ZBTB7C: variants seen among roughly 807,000 people sequenced by gnomAD.
ZBTB7C encodes the protein zinc finger and BTB domain-containing protein 7C.
ZBTB7C carries 8 observed loss-of-function variants against 25.7 expected under a neutral mutation model. The ratio of observed to expected loss-of-function variants is 0.31; its 90% CI spans 0.18 to 0.56. The LOEUF is 0.56. ZBTB7C is among the 20% of genes least tolerant of loss of function. The pLI is 0.91. For missense variants in ZBTB7C, 824 were observed against 855.2 expected, an observed-to-expected ratio of 0.96 and a Z score of 0.46; for synonymous variants, 394 against 369.0, an observed-to-expected ratio of 1.07 and a Z score of -0.78.
At chr18:48,326,061 A>G (rs956724361) in intron 2 of ZBTB7C, among the ~76,000 whole-genome samples, 2 of 149,300 alleles carry the variant, frequency 1.3e-5, no homozygotes, top group Non-Finnish European at 3.0e-5. Flanking sequence ...TTGTTCACTT[A>G]TCTGTTTATA....
At chr18:48,222,247 C>G (rs2042981782) in intron 2 of ZBTB7C, among the ~76,000 whole-genome samples, 1 of 152,156 alleles carries the variant, frequency 6.6e-6, no homozygotes, top group Admixed American at 6.5e-5. Context: ...TCTAGGAAAG[C>G]ATCCTGTGAA....
chr18:48,275,118 G>T (rs1206502475), intron 2 of ZBTB7C, among the ~76,000 whole-genome samples: 1 of 152,200 alleles, frequency 6.6e-6, no homozygotes, highest in African/African-American at 2.4e-5. Context: ...TAAAAGAAAG[G>T]TCTGATCACT....
intron 3 of ZBTB7C, among the ~76,000 whole-genome samples, chr18:48,136,040 G>A (rs1027631898): frequency 1.3e-5 from 2 of 152,230 alleles, no homozygotes; most frequent in Non-Finnish European, 2.9e-5. Context: ...CACAGAGCAC[G>A]GCGTGGGGGA....
intron 1 of ZBTB7C, among the ~76,000 whole-genome samples, chr18:48,381,318 A>G (rs1306379284): frequency 6.6e-6 from 1 of 152,252 alleles, no homozygotes; most frequent in Non-Finnish European, 1.5e-5. Context: ...AGGCACAGGT[A>G]TCAATCAGTC....
At chr18:48,177,815 C>T (rs1391151450) in intron 3 of ZBTB7C, among the ~76,000 whole-genome samples, 2 of 152,144 alleles carry the variant, frequency 1.3e-5, no homozygotes, top group Non-Finnish European at 2.9e-5. Flanking sequence ...TTGCCTCTGG[C>T]CTCCTGTCAG....
At chr18:48,089,927 C>T (rs2144544010) in intron 3 of ZBTB7C, among the ~76,000 whole-genome samples, 2 of 152,346 alleles carry the variant, frequency 1.3e-5, no homozygotes, top group South Asian at 4.1e-4. Context: ...ACTGGCCCTT[C>T]ATAGCGTTCC....
At chr18:48,259,781 A>C (rs1359327491) in intron 2 of ZBTB7C, among the ~76,000 whole-genome samples, 1 of 152,246 alleles carries the variant, frequency 6.6e-6, no homozygotes, top group African/African-American at 2.4e-5. Flanking sequence ...CATTAGTTAT[A>C]AGGGACATGA....
At chr18:48,195,073 C>T (rs1477041067) in intron 2 of ZBTB7C, among the ~76,000 whole-genome samples, 2 of 152,150 alleles carry the variant, frequency 1.3e-5, no homozygotes, top group African/African-American at 4.8e-5. Flanking sequence ...AAAGCCCTGG[C>T]AAATATACTA....
At position 48,145,779 on chromosome 18, in the gene ZBTB7C, C is replaced by T. The variant is rs142630675; in HGVS notation, c.-17+40155G>A. Among the ~76,000 whole-genome samples the T allele has an allele frequency of 6.6e-5, 10 of 152,208 alleles. No homozygotes were observed. The East Asian group carries it at 9.6e-4, about 15-fold the overall frequency. ...TTATGTGTGCATGTATGTATGTATA[C>T]GTGATATTTTTCTACCTCTGGATAG... is the stretch of plus-strand genomic sequence containing the variant. On this transcript the variant is annotated intron_variant, in intron 3 of 4. Transcript: ENST00000590800.
At chr18:48,219,483 G>A (rs2042901497) in intron 2 of ZBTB7C, among the ~76,000 whole-genome samples, 1 of 152,166 alleles carries the variant, frequency 6.6e-6, no homozygotes, top group Non-Finnish European at 1.5e-5. Flanking sequence ...TTCCAGGTGG[G>A]GACACTGAGG....
At chr18:48,212,250 A>G (rs751622986) in intron 2 of ZBTB7C, among the ~76,000 whole-genome samples, 2 of 152,150 alleles carry the variant, frequency 1.3e-5, no homozygotes, top group Admixed American at 6.5e-5. Context: ...GTTACATACT[A>G]TATGATCCTA....
At chr18:48,405,091 G>A (rs191094883) in intron 1 of ZBTB7C, among the ~76,000 whole-genome samples, 26 of 152,276 alleles carry the variant, frequency 1.7e-4, no homozygotes, top group Admixed American at 1.7e-3. Flanking sequence ...TGCCTTGCCA[G>A]CTTCCTCCAC....
intron 2 of ZBTB7C, among the ~76,000 whole-genome samples, chr18:48,275,937 T>G (rs1197587814): frequency 6.6e-6 from 1 of 152,094 alleles, no homozygotes; most frequent in African/African-American, 2.4e-5. Context: ...AAATTTGATT[T>G]TGGAAATTTG....
intron 3 of ZBTB7C, among the ~76,000 whole-genome samples, chr18:48,054,820 C>T (rs1008151745): frequency 1.3e-5 from 2 of 152,206 alleles, no homozygotes; most frequent in Non-Finnish European, 2.9e-5. Flanking sequence ...AGCCCAGTCT[C>T]TCCTCTGCTA....
intron 3 of ZBTB7C, among the ~76,000 whole-genome samples, chr18:48,160,321 G>A (rs990581499): frequency 6.6e-6 from 1 of 152,212 alleles, no homozygotes; most frequent in Non-Finnish European, 1.5e-5. Context: ...GGTATCTACT[G>A]AGCAACTACT....
At chr18:48,328,620 G>A (rs2046278156) in intron 2 of ZBTB7C, among the ~76,000 whole-genome samples, 1 of 152,128 alleles carries the variant, frequency 6.6e-6, no homozygotes, top group South Asian at 2.1e-4. Context: ...GGAACCTGGG[G>A]CCCAGGGAGG....
chr18:48,387,993 ATTTTTGTAG>A, intron 1 of ZBTB7C, among the ~76,000 whole-genome samples: 1 of 152,132 alleles, frequency 6.6e-6, no homozygotes, highest in East Asian at 1.9e-4. Flanking sequence ...CACCCAGCTA[ATTTTTGTAG>A]TTTTTGTAGA....
intron 2 of ZBTB7C, among the ~76,000 whole-genome samples, chr18:48,246,531 A>G (rs2043700459): frequency 6.6e-6 from 1 of 151,896 alleles, no homozygotes; most frequent in Non-Finnish European, 1.5e-5. Context: ...AATGGAAATA[A>G]AAAAACACAC....
intron 1 of ZBTB7C, among the ~76,000 whole-genome samples, chr18:48,361,439 G>A (rs1201728653): frequency 4.6e-5 from 7 of 152,156 alleles, no homozygotes; most frequent in East Asian, 1.9e-4. Flanking sequence ...TGATTCTTCC[G>A]TATAGTCTTT....
Sources: allele counts gnomAD v4.1 joint callset (sites outside exome capture counted in the v4.1 genomes callset), GRCh38; gene constraint gnomAD v4.1.1; transcripts MANE v1.5; gene names NCBI Gene and HGNC (gene_info 2026-07-23, HGNC 2026-07-21).